Variants in MAPK8IP3 observed in about 807,000 individuals in gnomAD.
MAPK8IP3 encodes C-Jun-amino-terminal kinase-interacting protein 3.
MAPK8IP3 carries 49 observed loss-of-function variants against 157.8 expected under a neutral mutation model. The observed-to-expected ratio is 0.31, with a 90% CI of 0.25 to 0.39. The LOEUF is 0.39. Ranked by LOEUF, MAPK8IP3 falls within the 10% of genes least tolerant of loss-of-function variation. The pLI, the probability that MAPK8IP3 is intolerant of heterozygous loss-of-function variation, is 1.00. For synonymous variants in MAPK8IP3, 897 were observed against 777.7 expected (o/e 1.15, Z -2.55); for missense variants, 1,478 against 1,889.4 (o/e 0.78, Z 4.04).
In MAPK8IP3 at chr16:1,743,722, C is replaced by T; in HGVS notation, c.747+246C>T. On this transcript the variant is annotated intron_variant, in intron 5 of 31. Coordinates refer to ENST00000610761, the MANE Select transcript of MAPK8IP3 (RefSeq NM_001318852.2). The surrounding 1 kb of genome is among the most constrained non-coding windows in gnomAD (Gnocchi z 5.6). ...TCGGCACCTGCTAGTCCAGGCTAGA[C>T]CTCCCTGCCCTTGGATAGACCGCTC... 7.2e-7 allele frequency: 1 copy of T among 1,381,352 alleles called. No individual in the cohort carries two copies. Among genetic ancestry groups the T allele is most frequent in the Non-Finnish European group, 9.3e-7 (1 of 1,074,866 alleles). The allele number at this position is 1,381,352 out of a possible 1,614,324, so 85.6% of individuals were successfully genotyped here. A position where few individuals can be genotyped will look rare whatever the true frequency, so the allele number is the denominator to read the frequency against.
chr16:1,769,172 A>C lies in MAPK8IP3; in HGVS notation c.*348A>C. On this transcript the variant is annotated 3_prime_UTR_variant, in exon 32 of 32. Transcript: ENST00000610761. ...CTCTACCCTGGGCCTCCTACTCCCC[A>C]GCACCCCTGGAGGAGGCAGGGGCTC... 3.3e-6 allele frequency: 1 copy of C among 301,218 alleles called. No individual in the cohort carries two copies. Among genetic ancestry groups the C allele is most frequent in the Non-Finnish European group, 6.4e-6 (1 of 156,454 alleles). The allele number at this position is 301,218 out of a possible 1,614,324, so 18.7% of individuals were successfully genotyped here.
intron 10 of MAPK8IP3, among the ~76,000 whole-genome samples, chr16:1,759,628 G>A (rs1323600874): frequency 6.6e-6 from 1 of 152,218 alleles, no homozygotes; most frequent in Non-Finnish European, 1.5e-5. Flanking sequence ...CTCGCCTAGG[G>A]TGGTGGCTCC....
intron 2 of MAPK8IP3, 91 bp from the exon 3 acceptor site, chr16:1,729,047 C>T (rs989712217): frequency 2.2e-5 from 29 of 1,290,930 alleles, no homozygotes; most frequent in Non-Finnish European, 3.0e-5. Flanking sequence ...CAGCCTTGTC[C>T]TGGAACCCCC....
rs2042380475 is a variant in MAPK8IP3 at position 1,768,062 on chromosome 16, T to A, written c.3524-7T>A. ...CCTCTTCTCCCATGCTCCTCCCATG[T>A]CCCCAGCTGTGGTCCTGCACCGAGG... is the stretch of plus-strand genomic sequence containing the variant. On this transcript the variant is annotated splice_region_variant and splice_polypyrimidine_tract_variant and intron_variant, in intron 28 of 31. Coordinates refer to ENST00000610761, the MANE Select transcript of MAPK8IP3 (RefSeq NM_001318852.2). The A allele has an allele frequency of 6.2e-7, 1 of 1,612,212 alleles. No homozygotes were observed.
At chr16:1,712,347 C>T (rs1426162118) in intron 1 of MAPK8IP3, among the ~76,000 whole-genome samples, 4 of 152,066 alleles carry the variant, frequency 2.6e-5, no homozygotes, top group Non-Finnish European at 5.9e-5. Context: ...AGGCATGAGC[C>T]ATCGCGCCCG....
chr16:1,740,499 A>G (rs752166784), intron 4 of MAPK8IP3, among the ~76,000 whole-genome samples: 3 of 151,780 alleles, frequency 2.0e-5, no homozygotes, highest in Non-Finnish European at 4.4e-5. Flanking sequence ...GACCGTCCAT[A>G]TGAGCGTGTG....
chr16:1,759,053 G>C, intron 10 of MAPK8IP3, 58 bp downstream of exon 10: 2 of 1,604,304 alleles, frequency 1.2e-6, no homozygotes, highest in Non-Finnish European at 1.7e-6. Context: ...ATGGTCTCCT[G>C]CTTCATGAGC....
At chr16:1,767,479 G>C in intron 26 of MAPK8IP3, 85 bp from the exon 27 acceptor site, 4 of 1,534,886 alleles carry the variant, frequency 2.6e-6, no homozygotes, top group Non-Finnish European at 2.7e-6. Context: ...GGGACTGCAG[G>C]TGGCCCTGGA....
chr16:1,762,084 G>A (rs2041986973), intron 13 of MAPK8IP3, among the ~76,000 whole-genome samples: 1 of 152,212 alleles, frequency 6.6e-6, no homozygotes, highest in African/African-American at 2.4e-5. Context: ...CCCCACTCCT[G>A]AGACCACATG....
intron 4 of MAPK8IP3, among the ~76,000 whole-genome samples, chr16:1,735,224 G>T (rs1372910764): frequency 6.6e-6 from 1 of 152,322 alleles, no homozygotes; most frequent in South Asian, 2.1e-4. Context: ...GGCCGTCCGT[G>T]TGAGCGTCCA....
At chr16:1,714,836 G>A (rs1461182455) in intron 1 of MAPK8IP3, among the ~76,000 whole-genome samples, 1 of 152,188 alleles carries the variant, frequency 6.6e-6, no homozygotes, top group Admixed American at 6.5e-5. Flanking sequence ...ACCAGAGGGA[G>A]TCGGAGGTTG....
intron 8 of MAPK8IP3, among the ~76,000 whole-genome samples, chr16:1,755,757 G>A (rs947137709): frequency 6.0e-5 from 9 of 150,596 alleles, no homozygotes; most frequent in African/African-American, 2.2e-4. Flanking sequence ...TAAGGCAAGT[G>A]AATCGCTTGA....
Position 1,768,576 on chromosome 16 carries a change from G to T in MAPK8IP3, c.3842G>T (p.Arg1281Leu). The T allele has an allele frequency of 3.1e-6, 5 of 1,588,272 alleles. No individual in the cohort carries two copies. The highest frequency in any genetic ancestry group is 4.3e-6 in the Non-Finnish European group (5 of 1,168,316). ...TCGGAGGTCGAGGGCCAGAAGCTGC[G>T]GAACGTGCTGGTGCTGAGCGGCGGG... ...PASEVEGQKL[R>L]NVLVLSGGEG... is the part of the protein sequence containing the mutation. Residue 1281 changes from arginine to leucine, a missense_variant, in exon 31 of 32, where the codon CGG becomes CTG. By Grantham distance (102) the Arg-to-Leu change is moderately radical. Coordinates refer to ENST00000610761, the MANE Select transcript of MAPK8IP3 (RefSeq NM_001318852.2).
In MAPK8IP3 at chr16:1,706,318, G is replaced by T. The variant is rs1443343183; in HGVS notation, c.-22G>T. The T allele has an allele frequency of 6.5e-7, 1 of 1,531,516 alleles. No individual in the cohort carries two copies. Among genetic ancestry groups the T allele is most frequent in the South Asian group, 1.2e-5 (1 of 83,308 alleles). 94.9% of individuals were successfully genotyped at this position (1,531,516 alleles called of 1,614,324 possible). ...GCGCGCCGGCCGGATAGCGAGCCGC[G>T]CTGGCGGCGGCGGTGGCCGCGATGA... is the stretch of plus-strand genomic sequence containing the variant. On this transcript the variant is annotated 5_prime_UTR_variant, in exon 1 of 32. Coordinates refer to ENST00000610761, the MANE Select transcript of MAPK8IP3 (RefSeq NM_001318852.2). This position sits in a 1 kb window ranked among gnomAD's most constrained non-coding sequence, Gnocchi z 5.1.
intron 4 of MAPK8IP3, among the ~76,000 whole-genome samples, chr16:1,737,062 G>A (rs1210891138): frequency 9.1e-4 from 69 of 75,650 alleles, no homozygotes; most frequent in Admixed American, 1.2e-3. Flanking sequence ...CCGTGTGAGC[G>A]TCCGTGTGAG....
At chr16:1,744,736 T>G (rs1288757503) in intron 5 of MAPK8IP3, 6 of 985,522 alleles carry the variant, frequency 6.1e-6, no homozygotes, top group Non-Finnish European at 7.2e-6. Context: ...GGGCCCGCTC[T>G]TCTTCTCATG....
At position 1,729,222 on chromosome 16, in the gene MAPK8IP3, G is replaced by C; in HGVS notation, c.510+14G>C. ...CGGCACACAGAGGTGGGCGCCCAGA[G>C]GCAAGCGCGGAGACGAGGGTTGGAG... On this transcript the variant is annotated intron_variant, in intron 3 of 31. Transcript: ENST00000610761. 1 of 1,613,662 alleles carries C rather than the reference G, an allele frequency of 6.2e-7. No individual in the cohort carries two copies. Among genetic ancestry groups the C allele is most frequent in the South Asian group, 1.1e-5 (1 of 91,082 alleles).
chr16:1,715,651 C>T (rs977253953), intron 1 of MAPK8IP3, among the ~76,000 whole-genome samples: 1 of 152,052 alleles, frequency 6.6e-6, no homozygotes, highest in African/African-American at 2.4e-5. Flanking sequence ...TGTCAAGATT[C>T]GTTTCTAACC....
intron 4 of MAPK8IP3, among the ~76,000 whole-genome samples, chr16:1,730,044 C>CA (rs58933347): frequency 0.17 from 8,128 of 46,856 alleles, 1,001 homozygotes; most frequent in South Asian, 0.24. Context: ...CTTGTCTCTA[C>CA]AAAAAAAAAA....
Sources: gnomAD v4.1 joint callset for allele counts (sites outside exome capture counted in the v4.1 genomes callset) on GRCh38, gnomAD v4.1.1 for gene constraint, Gnocchi (gnomAD v3.1) non-coding constraint, MANE v1.5 for transcripts, NCBI Gene and HGNC (gene_info 2026-07-23, HGNC 2026-07-21) for gene names.